BCAS3: variants seen among roughly 807,000 people sequenced by gnomAD.
BCAS3 encodes BCAS3 microtubule associated cell migration factor.
A neutral mutation model predicts 116.1 loss-of-function variants in BCAS3; 53 were observed. The observed-to-expected ratio is 0.46, with a 90% confidence interval of 0.37 to 0.57. The LOEUF (loss-of-function observed/expected upper bound fraction) is 0.57. Ranked by LOEUF, BCAS3 falls within the 20% of genes least tolerant of loss-of-function variation. BCAS3 has a pLI of 0.00. For synonymous variants in BCAS3, 391 were observed against 408.2 expected (o/e 0.96, Z 0.51); for missense variants, 917 against 1,165.4 (o/e 0.79, Z 3.10).
chr17:61,098,493 C>G lies in BCAS3; in HGVS notation c.2425+13929C>G, dbSNP rs1194015113. Among the ~76,000 whole-genome samples, 1 of 152,030 alleles carries G rather than the reference C, an allele frequency of 6.6e-6. No homozygotes were observed. The highest frequency in any genetic ancestry group is 1.5e-5 in the Non-Finnish European group (1 of 68,000). On this transcript the variant is annotated intron_variant, in intron 22 of 23. Coordinates refer to ENST00000407086, the MANE Select transcript of BCAS3 (RefSeq NM_017679.5). The surrounding 1 kb of genome is among the most constrained non-coding windows in gnomAD (Gnocchi z 4.2). Reference sequence around the variant, plus strand: ...GCTTGTAATTGTGATTTTTCTAATACCAGAGTAGAATTCTGGGGAGGAATT... The same window carrying G: ...GCTTGTAATTGTGATTTTTCTAATAGCAGAGTAGAATTCTGGGGAGGAATT...
In BCAS3 at chr17:61,340,996, C is replaced by T. The variant is rs544679201; in HGVS notation, c.2426-27331C>T. 5.9e-5 allele frequency among the ~76,000 whole-genome samples: 9 copies of T among 152,142 alleles called. No individual in the cohort carries two copies. In the East Asian group the frequency reaches 7.7e-4, roughly 13 times the overall value. ...GAGTGGCAGAGGGGATGGAGAAGGG[C>T]GCTGGAAGGGAGGAGGGTCAGGGCC... On this transcript the variant is annotated intron_variant, in intron 22 of 23. Coordinates refer to ENST00000407086, the MANE Select transcript of BCAS3 (RefSeq NM_017679.5).
chr17:61,353,278 G>A (rs368132975), intron 22 of BCAS3, among the ~76,000 whole-genome samples: 1 of 152,302 alleles, frequency 6.6e-6, no homozygotes, highest in East Asian at 1.9e-4. Context: ...TTGGGGACAG[G>A]CCAGGGGGAG....
At chr17:61,242,046 G>A (rs2047566869) in intron 22 of BCAS3, among the ~76,000 whole-genome samples, 2 of 152,178 alleles carry the variant, frequency 1.3e-5, no homozygotes, top group Non-Finnish European at 2.9e-5. Context: ...GGAGGCCGAG[G>A]CGGGCAGATC....
intron 14 of BCAS3, among the ~76,000 whole-genome samples, chr17:60,975,471 G>A (rs932454387): frequency 6.6e-6 from 1 of 152,340 alleles, no homozygotes; most frequent in African/African-American, 2.4e-5. Context: ...ACTATAAAAA[G>A]AGGCTATAGA....
At chr17:61,022,536 G>C (rs1033098616) in intron 16 of BCAS3, among the ~76,000 whole-genome samples, 1 of 152,046 alleles carries the variant, frequency 6.6e-6, no homozygotes, top group Non-Finnish European at 1.5e-5. Context: ...GAGCCACCGC[G>C]CCCAGCCTAT....
rs1236302261 is a variant in BCAS3, at chr17:61,063,592, G to C, written c.2030-11328G>C. Among the ~76,000 whole-genome samples, 1 of 152,084 alleles carries C rather than the reference G, an allele frequency of 6.6e-6. No homozygotes were observed. The highest frequency in any genetic ancestry group is 1.5e-5 in the Non-Finnish European group (1 of 68,004). On this transcript the variant is annotated intron_variant, in intron 19 of 23. Coordinates refer to ENST00000407086, the MANE Select transcript of BCAS3 (RefSeq NM_017679.5). This position sits in a 1 kb window ranked among gnomAD's most constrained non-coding sequence, Gnocchi z 5.3. Reference sequence around the variant, plus strand: ...TCCTGTTATAGTTCTTTGAAGAAATGCTTCAGGATCTTGTTTCCACTTGAT... The same window carrying C: ...TCCTGTTATAGTTCTTTGAAGAAATCCTTCAGGATCTTGTTTCCACTTGAT...
At chr17:61,385,695 C>T (rs1158839227) in intron 23 of BCAS3, among the ~76,000 whole-genome samples, 2 of 152,246 alleles carry the variant, frequency 1.3e-5, no homozygotes, top group African/African-American at 2.4e-5. Context: ...TGGGCCACCC[C>T]GGAACCCAGC....
At position 60,947,155 on chromosome 17, in the gene BCAS3, T is replaced by C; in HGVS notation, c.1088-64T>C. 2.7e-6 allele frequency: 4 copies of C among 1,470,818 alleles called. No individual in the cohort carries two copies. The South Asian group carries it at 5.0e-5, about 18-fold the overall frequency. The allele number at this position is 1,470,818 out of a possible 1,614,324, so 91.1% of individuals were successfully genotyped here. A position where few individuals can be genotyped will look rare whatever the true frequency, so the allele number is the denominator to read the frequency against. ...ATATTTTAAATATTGTGAATAGCTT[T>C]TTAGAATATTTCATCCACATACATA... On this transcript the variant is annotated intron_variant, in intron 13 of 23. Coordinates refer to ENST00000407086, the MANE Select transcript of BCAS3 (RefSeq NM_017679.5).
At position 61,333,052 on chromosome 17, in the gene BCAS3, C is replaced by T. The variant is rs556649476; in HGVS notation, c.2426-35275C>T. ...TAGAATACTGCCCTCCCTAAACCTA[C>T]ACTGCTGCAGCCTGGAGGTTCCACA... On this transcript the variant is annotated intron_variant, in intron 22 of 23. Coordinates refer to ENST00000407086, the MANE Select transcript of BCAS3 (RefSeq NM_017679.5). This position sits in a 1 kb window ranked among gnomAD's most constrained non-coding sequence, Gnocchi z 4.8. Among the ~76,000 whole-genome samples the T allele has an allele frequency of 8.5e-5, 13 of 152,338 alleles. No individual in the cohort carries two copies. Among genetic ancestry groups the T allele is most frequent in the African/African-American group, 2.6e-4 (11 of 41,582 alleles).
chr17:61,332,466 C>T lies in BCAS3; in HGVS notation c.2426-35861C>T, dbSNP rs941090788. Among the ~76,000 whole-genome samples, 2 of 152,128 alleles carry T rather than the reference C, an allele frequency of 1.3e-5. No individual in the cohort carries two copies. Among genetic ancestry groups the T allele is most frequent in the African/African-American group, 4.8e-5 (2 of 41,420 alleles). ...CACTGGTTGGTAGGGCTTATGGCTC[C>T]ATATTGAAAGGAGGGAAACAATTTG... On this transcript the variant is annotated intron_variant, in intron 22 of 23. Coordinates refer to ENST00000407086, the MANE Select transcript of BCAS3 (RefSeq NM_017679.5). This position sits in a 1 kb window ranked among gnomAD's most constrained non-coding sequence, Gnocchi z 5.4.
intron 22 of BCAS3, among the ~76,000 whole-genome samples, chr17:61,142,215 G>A (rs1750203242): frequency 6.6e-6 from 1 of 152,052 alleles, no homozygotes; most frequent in Non-Finnish European, 1.5e-5. Context: ...TAGAGACGAG[G>A]AGACAAAGAC....
rs137954960 is a variant in BCAS3, at chr17:61,317,320, A to G, written c.2426-51007A>G. Reference sequence around the variant, plus strand: ...CCACCCAGGACACACAATATACAGTATGATAGAATAAAACAATGTAAAGGC... The same window carrying G: ...CCACCCAGGACACACAATATACAGTGTGATAGAATAAAACAATGTAAAGGC... On this transcript the variant is annotated intron_variant, in intron 22 of 23. Coordinates refer to ENST00000407086, the MANE Select transcript of BCAS3 (RefSeq NM_017679.5). Among the ~76,000 whole-genome samples, 166 of 152,336 alleles carry G rather than the reference A, an allele frequency of 1.1e-3. 3 individuals are homozygous for G. The highest frequency in any genetic ancestry group is 4.0e-3 in the African/African-American group (165 of 41,572).
chr17:60,705,506 T>TC (rs2036996848), intron 4 of BCAS3, among the ~76,000 whole-genome samples: 1 of 144,836 alleles, frequency 6.9e-6, no homozygotes. Context: ...AGAGTGAGAC[T>TC]TGTCTCAAAA....
At chr17:61,110,304 G>T (rs2074973413) in intron 22 of BCAS3, among the ~76,000 whole-genome samples, 1 of 152,342 alleles carries the variant, frequency 6.6e-6, no homozygotes, top group East Asian at 1.9e-4. Context: ...CAGAAGATGG[G>T]TGATTTCTGC....
chr17:60,995,715 C>G lies in BCAS3; in HGVS notation c.1486+5480C>G, dbSNP rs2063796825. Among the ~76,000 whole-genome samples the G allele has an allele frequency of 6.6e-6, 1 of 152,084 alleles. No individual in the cohort carries two copies. Among genetic ancestry groups the G allele is most frequent in the Admixed American group, 6.5e-5 (1 of 15,272 alleles). On this transcript the variant is annotated intron_variant, in intron 15 of 23. Coordinates refer to ENST00000407086, the MANE Select transcript of BCAS3 (RefSeq NM_017679.5). This position sits in a 1 kb window ranked among gnomAD's most constrained non-coding sequence, Gnocchi z 4.7. ...AAGAGCTTTTTATTCATAGTAACAA[C>G]TTAAAAAAACATCTCCAAGGTGTAG...
At chr17:60,718,387 C>T (rs2038877248) in intron 5 of BCAS3, among the ~76,000 whole-genome samples, 1 of 152,074 alleles carries the variant, frequency 6.6e-6, no homozygotes, top group South Asian at 2.1e-4. Context: ...ACATGCTTTC[C>T]CCTAACTACT....
At chr17:61,179,539 T>C (rs944762227) in intron 22 of BCAS3, among the ~76,000 whole-genome samples, 2 of 152,212 alleles carry the variant, frequency 1.3e-5, no homozygotes, top group Admixed American at 6.5e-5. Context: ...GGAGGAGTAG[T>C]GTTCAGTACT....
At chr17:60,900,501 C>T (rs1293374126) in intron 10 of BCAS3, among the ~76,000 whole-genome samples, 1 of 152,178 alleles carries the variant, frequency 6.6e-6, no homozygotes, top group Non-Finnish European at 1.5e-5. Context: ...TGTCTTCCTT[C>T]TCCTACCCAC....
rs140018118 is a variant in BCAS3 at position 61,194,103 on chromosome 17, C to T, written c.2425+109539C>T. 4.6e-3 allele frequency among the ~76,000 whole-genome samples: 694 copies of T among 151,754 alleles called. 4 individuals are homozygous for T. The highest frequency in any genetic ancestry group is 0.013 in the African/African-American group (532 of 41,380). ...CTGCACTCCAGCCTGGGTGACAGAG[C>T]GAGACCCTGTCTCAGAAAAAGAAAA... On this transcript the variant is annotated intron_variant, in intron 22 of 23. Coordinates refer to ENST00000407086, the MANE Select transcript of BCAS3 (RefSeq NM_017679.5).
Sources: gnomAD v4.1 joint callset for allele counts (sites outside exome capture counted in the v4.1 genomes callset) on GRCh38, gnomAD v4.1.1 for gene constraint, Gnocchi (gnomAD v3.1) non-coding constraint, MANE v1.5 for transcripts, NCBI Gene and HGNC (gene_info 2026-07-23, HGNC 2026-07-21) for gene names.